The following KMT2E variants were observed in gnomAD, a reference collection of about 807,000 sequenced individuals.
KMT2E encodes histone reader KMT2E.
Under a neutral mutation model 184.6 loss-of-function variants are expected in KMT2E, and 30 were observed. The ratio of observed to expected loss-of-function variants is 0.16; its 90% confidence interval spans 0.12 to 0.22. The LOEUF is 0.22. Among genes scored for constraint, KMT2E ranks in the 10% least tolerant of loss-of-function variants. The pLI is 1.00. For missense variants in KMT2E, 2,023 were observed against 2,237.4 expected (o/e 0.90, Z 1.93); for synonymous variants, 815 against 776.5 (o/e 1.05, Z -0.82).
chr7:105,109,389 T>A (rs987412775), intron 23 of KMT2E, among the ~76,000 whole-genome samples, 161 bp downstream of exon 23: 4 of 152,262 alleles, frequency 2.6e-5, no homozygotes, highest in Non-Finnish European at 5.9e-5. Flanking sequence ...GTGTATGGCC[T>A]GTGTTCTTAA....
Position 105,074,743 on chromosome 7 carries a change from A to G in KMT2E, c.657A>G (p.Arg219=). 6.2e-7 allele frequency: 1 copy of G among 1,611,364 alleles called. No individual in the cohort carries two copies. The highest frequency in any genetic ancestry group is 8.5e-7 in the Non-Finnish European group (1 of 1,179,008). ...TPTSITLTAS[R]VSKVNDKRRK... is the part of the protein sequence containing the mutation. ...CATCAATTACTTTAACTGCTTCAAG[A>G]GTTTCCAAAGTTAATGATAAAAGAA... The change falls in exon 8 of 27, where the codon AGA becomes AGG. Residue 219 remains arginine (R), a synonymous_variant. Transcript: ENST00000311117.
intron 14 of KMT2E, 133 bp downstream of exon 14, chr7:105,090,406 A>G (rs1798153192): frequency 1.9e-6 from 2 of 1,029,538 alleles, no homozygotes; most frequent in Non-Finnish European, 2.7e-6. Flanking sequence ...TGAAGTATTC[A>G]TAAGTGTAAA....
Position 105,107,452 on chromosome 7 carries a change from G to T in KMT2E, c.2995G>T (p.Gly999Cys), listed in dbSNP as rs117986340. 69,633 of 1,613,710 alleles carry T rather than the reference G, an allele frequency of 0.043. 2,015 individuals are homozygous for T. The highest frequency in any genetic ancestry group is 0.047 in the Non-Finnish European group (55,387 of 1,179,816). The change falls in exon 22 of 27, where the codon GGT becomes TGT. Residue 999 changes from glycine (G) to cysteine (C), a missense_variant. This residue lies in a region of KMT2E where 1,108 missense variants were observed against 1,050.9 expected (regional missense o/e 1.05). Coordinates refer to ENST00000311117, the MANE Select transcript of KMT2E (RefSeq NM_182931.3). The stretch of plus-strand genomic sequence containing the variant: ...GGGTCTGCAAGAAATAAAGACTATT[G>T]GTTATACGAGCCCTAGGAGTAGGAC... Reference protein sequence around the residue: ...ELGLQEIKTIGYTSPRSRTEV... With the variant: ...ELGLQEIKTICYTSPRSRTEV...
intron 1 of KMT2E, among the ~76,000 whole-genome samples, chr7:105,018,506 G>A (rs1393185879): frequency 6.6e-6 from 1 of 152,154 alleles, no homozygotes; most frequent in African/African-American, 2.4e-5. Context: ...ATCAGGGACT[G>A]TTCCCTGTTA....
At chr7:105,047,762 C>T (rs751323358) in intron 3 of KMT2E, among the ~76,000 whole-genome samples, 1 of 152,216 alleles carries the variant, frequency 6.6e-6, no homozygotes, top group African/African-American at 2.4e-5. Flanking sequence ...CTTTTTCTCA[C>T]TAAACCAGTG....
chr7:105,085,712 C>T (rs1217746719), intron 13 of KMT2E, among the ~76,000 whole-genome samples: 3 of 147,954 alleles, frequency 2.0e-5, no homozygotes, highest in East Asian at 4.1e-4. Context: ...GAGACGGAGT[C>T]TCGCTCTGTC....
At chr7:105,025,971 T>G (rs1411911883) in intron 1 of KMT2E, among the ~76,000 whole-genome samples, 1 of 152,154 alleles carries the variant, frequency 6.6e-6, no homozygotes, top group Admixed American at 6.5e-5. Context: ...GGACAATGCA[T>G]TATTGATCTG....
chr7:105,060,130 G>A (rs1796754547), intron 3 of KMT2E, among the ~76,000 whole-genome samples: 2 of 151,386 alleles, frequency 1.3e-5, no homozygotes, highest in East Asian at 3.9e-4. Context: ...AAGTAGCTGG[G>A]ATTACAGGTG....
intron 1 of KMT2E, among the ~76,000 whole-genome samples, chr7:105,017,795 T>C (rs892179158): frequency 7.2e-5 from 11 of 152,208 alleles, no homozygotes; most frequent in Non-Finnish European, 1.5e-4. Flanking sequence ...TACATTTTGA[T>C]CATACATCCT....
At chr7:105,051,858 G>A (rs1248764944) in intron 3 of KMT2E, among the ~76,000 whole-genome samples, 1 of 152,072 alleles carries the variant, frequency 6.6e-6, no homozygotes, top group Non-Finnish European at 1.5e-5. Flanking sequence ...CAAAGTGCTG[G>A]GATTATAGGC....
chr7:105,104,499 G>A (rs1798805859), intron 17 of KMT2E: 1 of 152,080 alleles, frequency 6.6e-6, no homozygotes, highest in African/African-American at 2.4e-5. Flanking sequence ...ACCAGCCTGG[G>A]CAGCATAACG....
intron 13 of KMT2E, chr7:105,089,258 G>T: frequency 2.4e-6 from 1 of 417,190 alleles, no homozygotes; most frequent in Non-Finnish European, 4.8e-6. Context: ...GAATGCAGTG[G>T]CACAATCTTG....
intron 1 of KMT2E, among the ~76,000 whole-genome samples, chr7:105,027,768 A>G (rs1375136567): frequency 6.6e-6 from 1 of 152,210 alleles, no homozygotes. Context: ...AAAATGCTGT[A>G]GAAGTAAAAC....
chr7:105,101,164 T>G (rs1251800415), intron 15 of KMT2E, among the ~76,000 whole-genome samples: 1 of 152,126 alleles, frequency 6.6e-6, no homozygotes, highest in Admixed American at 6.5e-5. Flanking sequence ...TTTGTTTTGT[T>G]TTACCCTTAT....
At chr7:105,058,193 T>C (rs1431060401) in intron 3 of KMT2E, among the ~76,000 whole-genome samples, 2 of 152,352 alleles carry the variant, frequency 1.3e-5, no homozygotes, top group East Asian at 3.9e-4. Context: ...TTTAGAGATA[T>C]AATTAGCTTC....
At chr7:105,020,434 A>G (rs1562872470) in intron 1 of KMT2E, among the ~76,000 whole-genome samples, 2 of 151,992 alleles carry the variant, frequency 1.3e-5, no homozygotes, top group Admixed American at 6.6e-5. Flanking sequence ...CTGCTACAAA[A>G]ATTAGCTGGG....
intron 1 of KMT2E, among the ~76,000 whole-genome samples, chr7:105,016,467 T>A (rs1794720567): frequency 1.3e-5 from 2 of 152,336 alleles, no homozygotes; most frequent in South Asian, 4.1e-4. Context: ...TTAGTCTGTT[T>A]TAATAGACCT....
intron 11 of KMT2E, chr7:105,077,657 C>T (rs1797587733): frequency 2.3e-6 from 1 of 427,642 alleles, no homozygotes; most frequent in South Asian, 3.2e-5. Context: ...TTGCTCATGT[C>T]TGTCTTGCTG....
intron 3 of KMT2E, among the ~76,000 whole-genome samples, chr7:105,060,571 C>T (rs924414841): frequency 2.0e-5 from 3 of 151,900 alleles, no homozygotes; most frequent in Non-Finnish European, 2.9e-5. Context: ...GGACTACAGA[C>T]GTGTGCCAAC....
Sources: allele counts gnomAD v4.1 joint callset (sites outside exome capture counted in the v4.1 genomes callset), GRCh38; gene constraint gnomAD v4.1.1; regional missense constraint gnomAD v4.1.1; transcripts MANE v1.5; gene names NCBI Gene and HGNC (gene_info 2026-07-23, HGNC 2026-07-21).